MTBP: variants seen among roughly 807,000 people sequenced by gnomAD.
The protein encoded by MTBP is MDM2 binding protein.
Under a neutral mutation model 117.0 loss-of-function variants are expected in MTBP, and 101 were observed. The observed-to-expected ratio is 0.86, with a 90% CI of 0.73 to 1.02. MTBP has a LOEUF of 1.02. Ranked by LOEUF, MTBP falls within the 50% of genes least tolerant of loss-of-function variation. MTBP has a pLI of 0.00. For synonymous variants in MTBP, 350 were observed against 351.5 expected, an observed-to-expected ratio of 1.00 and a Z score of 0.05; for missense variants, 970 against 1,030.9, an observed-to-expected ratio of 0.94 and a Z score of 0.81.
chr8:120,446,573 T>C, intron 2 of MTBP, 60 bp downstream of exon 2: 1 of 1,050,366 alleles, frequency 9.5e-7, no homozygotes, highest in Non-Finnish European at 1.5e-6. Context: ...ATTAACTTAA[T>C]TAATTTGGAC....
At chr8:120,480,273 G>T (rs1490294854) in intron 11 of MTBP, among the ~76,000 whole-genome samples, 1 of 151,874 alleles carries the variant, frequency 6.6e-6, no homozygotes, top group Admixed American at 6.6e-5. Flanking sequence ...AGCCAGGCGT[G>T]GTGGCAGGCA....
At chr8:120,493,254 C>T (rs1453320507) in intron 13 of MTBP, among the ~76,000 whole-genome samples, 2 of 152,100 alleles carry the variant, frequency 1.3e-5, no homozygotes, top group South Asian at 2.1e-4. Flanking sequence ...AAATATTTAT[C>T]TGCCACTTAT....
chr8:120,523,177 C>T (rs1815033823), intron 21 of MTBP, 121 bp from the exon 22 acceptor site: 1 of 687,882 alleles, frequency 1.5e-6, no homozygotes, highest in Admixed American at 2.7e-5. Flanking sequence ...TATAAGATTT[C>T]AGTATCTTCC....
At chr8:120,522,938 CT>C (rs1815031138) in intron 21 of MTBP, among the ~76,000 whole-genome samples, 2 of 151,976 alleles carry the variant, frequency 1.3e-5, no homozygotes, top group South Asian at 4.1e-4. Flanking sequence ...TAAAGTGACA[CT>C]AAGAAAGCAA....
At position 120,453,860 on chromosome 8, in the gene MTBP, G is replaced by A; in HGVS notation, c.439G>A (p.Ala147Thr). The A allele has an allele frequency of 1.3e-6, 2 of 1,579,264 alleles. No individual in the cohort carries two copies. Among genetic ancestry groups the A allele is most frequent in the South Asian group, 1.2e-5 (1 of 85,958 alleles). The change falls in exon 5 of 22, where the codon GCT becomes ACT. Residue 147 changes from alanine to threonine, a missense_variant. Ala to Thr is a moderately conservative substitution (Grantham distance 58). Transcript: ENST00000305949. ...SLSLADLYEE[A>T]AENLHQLSDK... is the part of the protein sequence containing the mutation. ...CTTTTATTTTAGTCTCTATGAAGAA[G>A]CTGCAGAAAATTTGCATCAGCTGTC...
intron 11 of MTBP, among the ~76,000 whole-genome samples, chr8:120,479,225 A>G (rs1179119116): frequency 2.0e-5 from 3 of 152,194 alleles, no homozygotes; most frequent in African/African-American, 7.2e-5. Flanking sequence ...ACATCACACA[A>G]TATACCCTCA....
At chr8:120,490,166 CTG>C (rs1220489259) in intron 12 of MTBP, among the ~76,000 whole-genome samples, 1 of 152,126 alleles carries the variant, frequency 6.6e-6, no homozygotes, top group Admixed American at 6.5e-5. Flanking sequence ...CATTCCCTAT[CTG>C]TGATTTCTGA....
At chr8:120,478,550 A>G (rs1022782280) in intron 11 of MTBP, among the ~76,000 whole-genome samples, 1 of 152,184 alleles carries the variant, frequency 6.6e-6, no homozygotes, top group Non-Finnish European at 1.5e-5. Flanking sequence ...ATTGCCTTAT[A>G]TTTTTAAAAT....
At chr8:120,453,196 A>G (rs532324389) in intron 4 of MTBP, among the ~76,000 whole-genome samples, 2 of 152,276 alleles carry the variant, frequency 1.3e-5, no homozygotes, top group South Asian at 4.1e-4. Context: ...CATGCCTGTA[A>G]TGCCAGCACT....
intron 11 of MTBP, among the ~76,000 whole-genome samples, chr8:120,482,001 T>G (rs1814094312): frequency 6.6e-6 from 1 of 152,188 alleles, no homozygotes; most frequent in Admixed American, 6.5e-5. Context: ...GTTTTGTTTC[T>G]CTCTCTAGTT....
Position 120,484,117 on chromosome 8 carries a change from G to A in MTBP, c.1166-4042G>A, listed in dbSNP as rs112710793. 9.1e-4 allele frequency among the ~76,000 whole-genome samples: 138 copies of A among 152,028 alleles called. 1 individual carries two copies. In the Middle Eastern group the frequency reaches 0.01, roughly 11 times the overall value. On this transcript the variant is annotated intron_variant, in intron 11 of 21. Coordinates refer to ENST00000305949, the MANE Select transcript of MTBP (RefSeq NM_022045.5). Reference sequence around the variant, plus strand: ...CTTCAGTGATTAAAATGCAAATAAAGGTGATGAGATTTAAAATAAATGTGG... The same window carrying A: ...CTTCAGTGATTAAAATGCAAATAAAAGTGATGAGATTTAAAATAAATGTGG...
intron 8 of MTBP, among the ~76,000 whole-genome samples, chr8:120,460,099 C>G (rs1337061642): frequency 2.0e-5 from 3 of 152,012 alleles, no homozygotes; most frequent in African/African-American, 7.2e-5. Context: ...TTAATATTTT[C>G]TAATCAAAGG....
chr8:120,456,546 T>A lies in MTBP; in HGVS notation c.630-7T>A, dbSNP rs369289571. The A allele has an allele frequency of 1.1e-5, 16 of 1,405,608 alleles. No individual in the cohort carries two copies. In the African/African-American group the frequency reaches 2.2e-4, roughly 19 times the overall value. The allele number at this position is 1,405,608 out of a possible 1,614,324, so 87.1% of individuals were successfully genotyped here. ...TGTGTTTAATTGTTGTAATCTTTTT[T>A]TTATAGAAACTGTCAGAAAATTGCA... is the stretch of plus-strand genomic sequence containing the variant. On this transcript the variant is annotated splice_polypyrimidine_tract_variant and splice_region_variant and intron_variant, in intron 6 of 21. Coordinates refer to ENST00000305949, the MANE Select transcript of MTBP (RefSeq NM_022045.5).
chr8:120,490,986 T>C (rs956507226), intron 13 of MTBP, among the ~76,000 whole-genome samples: 2 of 152,156 alleles, frequency 1.3e-5, no homozygotes, highest in African/African-American at 4.8e-5. Context: ...TGAGCATTGA[T>C]TCTTAGAGTT....
At chr8:120,507,895 A>T (rs938472349) in intron 16 of MTBP, among the ~76,000 whole-genome samples, 7 of 152,122 alleles carry the variant, frequency 4.6e-5, no homozygotes, top group African/African-American at 1.7e-4. Context: ...TAGTTATTGG[A>T]TTACTGTCCT....
chr8:120,449,553 A>G (rs1813295341), intron 2 of MTBP, among the ~76,000 whole-genome samples: 5 of 152,192 alleles, frequency 3.3e-5, no homozygotes, highest in Admixed American at 2.6e-4. Context: ...TTTTGCACCA[A>G]TTAATACAAA....
intron 10 of MTBP, among the ~76,000 whole-genome samples, chr8:120,468,655 G>C (rs771292347): frequency 4.0e-5 from 6 of 151,840 alleles, no homozygotes; most frequent in Non-Finnish European, 8.9e-5. Context: ...CGTTGTCATG[G>C]AGAAGAATTG....
intron 2 of MTBP, among the ~76,000 whole-genome samples, chr8:120,447,165 C>A (rs1813245429): frequency 6.6e-6 from 1 of 152,116 alleles, no homozygotes; most frequent in Non-Finnish European, 1.5e-5. Flanking sequence ...CCAAAACAGA[C>A]CAATACCTAA....
At chr8:120,496,719 A>G (rs2130593772) in intron 13 of MTBP, among the ~76,000 whole-genome samples, 1 of 151,924 alleles carries the variant, frequency 6.6e-6, no homozygotes, top group East Asian at 1.9e-4. Flanking sequence ...AAAAAAAAAA[A>G]AGAAAAAAAA....
Sources: gnomAD v4.1 joint callset for allele counts (sites outside exome capture counted in the v4.1 genomes callset) on GRCh38, gnomAD v4.1.1 for gene constraint, MANE v1.5 for transcripts, NCBI Gene and HGNC (gene_info 2026-07-23, HGNC 2026-07-21) for gene names.